Variants in RBL1 observed in about 807,000 individuals in gnomAD.
The protein encoded by RBL1 is retinoblastoma-like protein 1.
A neutral mutation model predicts 123.0 loss-of-function variants in RBL1; 82 were observed. That is an observed-to-expected ratio of 0.67 (90% CI 0.56 to 0.80). RBL1 has a LOEUF of 0.80. Among genes scored for constraint, RBL1 ranks in the 30% least tolerant of loss-of-function variants. RBL1 has a pLI of 0.00. For missense variants in RBL1, 1,171 were observed against 1,299.6 expected (o/e 0.90, Z 1.52); for synonymous variants, 405 against 441.3 (o/e 0.92, Z 1.03).
At chr20:37,015,063 CAAAAAAAA>C (rs1185151735) in intron 19 of RBL1, among the ~76,000 whole-genome samples, 1 of 70,328 alleles carries the variant, frequency 1.4e-5, no homozygotes, top group Non-Finnish European at 3.0e-5. Flanking sequence ...GACTGTATCT[CAAAAAAAA>C]AAAAAAAAAA....
intron 17 of RBL1, among the ~76,000 whole-genome samples, chr20:37,022,159 G>A (rs1350129093): frequency 2.0e-5 from 3 of 152,194 alleles, no homozygotes; most frequent in Admixed American, 6.5e-5. Flanking sequence ...GACTGCCAGT[G>A]TGGCCAGTAC....
intron 16 of RBL1, among the ~76,000 whole-genome samples, chr20:37,029,986 T>C (rs972238614): frequency 6.6e-6 from 1 of 152,242 alleles, no homozygotes; most frequent in Non-Finnish European, 1.5e-5. Flanking sequence ...ACTGGAAGAC[T>C]TGACATTCTT....
chr20:37,043,161 T>TGC (rs1460843934), intron 13 of RBL1, among the ~76,000 whole-genome samples: 2 of 81,258 alleles, frequency 2.5e-5, no homozygotes, highest in Non-Finnish European at 4.9e-5. Context: ...CATGCGCGCG[T>TGC]GCACACACAC....
intron 16 of RBL1, among the ~76,000 whole-genome samples, chr20:37,030,163 C>G (rs1470168397): frequency 6.6e-6 from 1 of 152,182 alleles, no homozygotes; most frequent in Non-Finnish European, 1.5e-5. Flanking sequence ...AGTTGGAGGT[C>G]TCACACCTCC....
At chr20:37,047,244 C>A in intron 11 of RBL1, 54 bp from the exon 12 acceptor site, 1 of 1,541,636 alleles carries the variant, frequency 6.5e-7, no homozygotes, top group Non-Finnish European at 8.7e-7. Context: ...TCAGTCTTTG[C>A]CATTCCATAA....
In RBL1 at chr20:37,061,267, T is replaced by G; in HGVS notation, c.1086A>C (p.Lys362Asn). Residue 362 changes from lysine to asparagine, a missense_variant and splice_region_variant, in exon 9 of 22, where the codon AAA (lysine) becomes AAC (asparagine). Transcript: ENST00000373664. ...EYNLQQHFEK[K>N]RSFAPSTPLT... is the part of the protein sequence containing the mutation. ...GTGGGGTAGAAGGTGCAAATGACCT[T>G]TTCTGTCAGAAAAGAAAAATCCGTG... 3 of 1,605,190 alleles carry G rather than the reference T, an allele frequency of 1.9e-6. No individual in the cohort carries two copies. The highest frequency in any genetic ancestry group is 1.7e-6 in the Non-Finnish European group (2 of 1,175,562).
At chr20:37,043,542 G>C (rs1600518868) in intron 13 of RBL1, among the ~76,000 whole-genome samples, 1 of 152,044 alleles carries the variant, frequency 6.6e-6, no homozygotes, top group East Asian at 1.9e-4. Flanking sequence ...GGGTGTGGTG[G>C]TATGTGCCTG....
Position 37,011,355 on chromosome 20 carries a change from TCTCCA to T in RBL1, c.2723-3801_2723-3797del, listed in dbSNP as rs200240436. 5.4e-3 allele frequency among the ~76,000 whole-genome samples: 821 copies of T among 152,088 alleles called. 8 individuals carry two copies. The highest frequency in any genetic ancestry group is 0.019 in the African/African-American group (778 of 41,492). On this transcript the variant is annotated intron_variant, in intron 19 of 21. Transcript: ENST00000373664. ...CTGGTGTTTTAATCAGGAAATTCATTCTCCACTCCAACAGTTTCTGCTAGGCATAT... is the reference window on the plus strand; with the variant it reads ...CTGGTGTTTTAATCAGGAAATTCATTCTCCAACAGTTTCTGCTAGGCATAT...
At chr20:37,000,288 T>A (rs6103162) in intron 21 of RBL1, among the ~76,000 whole-genome samples, 1 of 144,534 alleles carries the variant, frequency 6.9e-6, no homozygotes, top group African/African-American at 2.6e-5. Flanking sequence ...AGGAGCGTCT[T>A]CGCCTGGCAG....
intron 13 of RBL1, 109 bp downstream of exon 13, chr20:37,043,977 T>G (rs2064774008): frequency 1.2e-6 from 1 of 849,426 alleles, no homozygotes; most frequent in Admixed American, 3.2e-5. Flanking sequence ...ACCACTGAAT[T>G]GTACACTTAA....
At chr20:36,999,737 G>A (rs570564771) in intron 21 of RBL1, among the ~76,000 whole-genome samples, 1 of 152,214 alleles carries the variant, frequency 6.6e-6, no homozygotes, top group African/African-American at 2.4e-5. Context: ...CGAGTGATCC[G>A]CCAGCCTCGG....
chr20:37,069,716 G>A (rs1016827254), intron 2 of RBL1, among the ~76,000 whole-genome samples: 7 of 151,690 alleles, frequency 4.6e-5, no homozygotes, highest in African/African-American at 1.5e-4. Flanking sequence ...GAGCGTCTCC[G>A]CCTGGCAGCC....
intron 2 of RBL1, among the ~76,000 whole-genome samples, chr20:37,084,473 G>T (rs1471469285): frequency 6.6e-6 from 1 of 152,000 alleles, no homozygotes; most frequent in Non-Finnish European, 1.5e-5. Flanking sequence ...AACACATATA[G>T]TATAATTTAT....
chr20:37,037,951 C>CTAG (rs2064649210), intron 14 of RBL1, among the ~76,000 whole-genome samples: 1 of 149,118 alleles, frequency 6.7e-6, no homozygotes, highest in Admixed American at 6.7e-5. Flanking sequence ...TCCCAAAGTG[C>CTAG]TAGGATTACG....
intron 12 of RBL1, among the ~76,000 whole-genome samples, chr20:37,044,874 T>C (rs1189061490): frequency 1.3e-5 from 2 of 152,192 alleles, no homozygotes; most frequent in Non-Finnish European, 2.9e-5. Flanking sequence ...TCTAGTTCTA[T>C]TTTGAATGTA....
In RBL1 at chr20:37,068,061, TA is replaced by T; in HGVS notation, c.415del (p.Tyr139MetfsTer6). The part of the protein sequence containing the change: ...FEVSTVIFKK[Y>X]EPIFLDIFQN... ...AAATATATCTAAAAAAATTGGCTCA[TA>T]TTTTTTGAATATTACAGTAGACACC... On this transcript the variant is annotated frameshift_variant, in exon 3 of 22. Coordinates refer to ENST00000373664, the MANE Select transcript of RBL1 (RefSeq NM_002895.5). LOFTEE classifies it high-confidence loss of function. 6.2e-7 allele frequency: 1 copy of T among 1,613,700 alleles called. No homozygotes were observed. The highest frequency in any genetic ancestry group is 8.5e-7 in the Non-Finnish European group (1 of 1,179,930).
intron 9 of RBL1, among the ~76,000 whole-genome samples, chr20:37,060,459 C>T (rs1382676628): frequency 6.6e-6 from 1 of 151,882 alleles, no homozygotes; most frequent in Non-Finnish European, 1.5e-5. Context: ...GTCTATACTC[C>T]CATGAAATAA....
intron 2 of RBL1, among the ~76,000 whole-genome samples, chr20:37,087,699 CAGA>C (rs2065572649): frequency 1.3e-5 from 2 of 151,860 alleles, no homozygotes; most frequent in African/African-American, 4.8e-5. Flanking sequence ...TTCCTAATTA[CAGA>C]AGAATAAATA....
chr20:37,071,484 C>T (rs887073022), intron 2 of RBL1, among the ~76,000 whole-genome samples: 7 of 151,740 alleles, frequency 4.6e-5, no homozygotes, highest in Non-Finnish European at 5.9e-5. Flanking sequence ...AGTGAGATCT[C>T]GTCTCTACAA....
Sources: allele counts gnomAD v4.1 joint callset (sites outside exome capture counted in the v4.1 genomes callset), GRCh38; gene constraint gnomAD v4.1.1; transcripts MANE v1.5; gene names NCBI Gene and HGNC (gene_info 2026-07-23, HGNC 2026-07-21).